The following NRP2 variants were observed in gnomAD, a reference collection of about 807,000 sequenced individuals.
The protein encoded by NRP2 is neuropilin 2, also known as neuropilin-2.
In NRP2, 52 loss-of-function variants were observed where a neutral mutation model predicts 110.4. That is an observed-to-expected ratio of 0.47 (90% CI 0.38 to 0.59). The LOEUF (loss-of-function observed/expected upper bound fraction) is 0.59. NRP2 is among the 20% of genes least tolerant of loss of function. NRP2 has a pLI of 0.00. For missense variants in NRP2, 1,049 were observed against 1,203.0 expected, an observed-to-expected ratio of 0.87 and a Z score of 1.89; for synonymous variants, 508 against 468.9, an observed-to-expected ratio of 1.08 and a Z score of -1.08.
At chr2:205,739,682 C>CTTTTTTTTTTTT (rs3047659) in intron 7 of NRP2, among the ~76,000 whole-genome samples, 1 of 124,952 alleles carries the variant, frequency 8.0e-6, no homozygotes, top group Non-Finnish European at 1.7e-5. Context: ...GCTCTAGTTA[C>CTTTTTTTTTTTT]TTTTTTTTTT....
At chr2:205,731,101 T>A (rs2057230381) in intron 7 of NRP2, among the ~76,000 whole-genome samples, 1 of 152,220 alleles carries the variant, frequency 6.6e-6, no homozygotes, top group South Asian at 2.1e-4. Context: ...CCACATGCCA[T>A]AAATATGGAA....
Position 205,759,900 on chromosome 2 carries a change from G to A in NRP2, c.2045-3774G>A, listed in dbSNP as rs532910993. On this transcript the variant is annotated intron_variant, in intron 12 of 16. Transcript: ENST00000357785. Reference sequence around the variant, plus strand: ...CCATTTACTCTTCCCCCAACTCTATGCAGTAAGACTGTCTTTGTATCCATT... The same window carrying A: ...CCATTTACTCTTCCCCCAACTCTATACAGTAAGACTGTCTTTGTATCCATT... 2.0e-5 allele frequency: 3 copies of A among 152,274 alleles called. No homozygotes were observed. The South Asian group carries it at 6.2e-4, about 32-fold the overall frequency. The allele number at this position is 152,274 out of a possible 1,614,324, so 9.4% of individuals were successfully genotyped here. A position where few individuals can be genotyped will look rare whatever the true frequency, so the allele number is the denominator to read the frequency against.
Position 205,719,672 on chromosome 2 carries a change from C to T in NRP2, c.434-2806C>T, listed in dbSNP as rs3771039. Among the ~76,000 whole-genome samples the T allele has an allele frequency of 3.0e-3, 450 of 152,196 alleles. 11 individuals are homozygous for T. The East Asian group carries it at 0.035, about 12-fold the overall frequency. ...GTCATTCACAGAGGTAGAGAAAACT[C>T]GGAGTGCCTACTGCCTCCACTTCCT... On this transcript the variant is annotated intron_variant, in intron 3 of 16. Coordinates refer to ENST00000357785, the MANE Select transcript of NRP2 (RefSeq NM_003872.3).
In NRP2 at chr2:205,752,927, C is replaced by T. The variant is rs143177221; in HGVS notation, c.1996C>T (p.Arg666Trp). ...GATGTATGACCATGCCAAGTGGCTC[C>T]GGACCACCTGGGCCAGCAGCTCCAG... is the stretch of plus-strand genomic sequence containing the variant. ...GWMYDHAKWLRTTWASSSSPN... is the reference protein window; with the variant it reads ...GWMYDHAKWLWTTWASSSSPN... The change falls in exon 12 of 17, where the codon CGG becomes TGG. Residue 666 changes from arginine to tryptophan, a missense_variant. Transcript: ENST00000357785. 5.3e-5 allele frequency: 86 copies of T among 1,614,084 alleles called. No individual in the cohort carries two copies. The highest frequency in any genetic ancestry group is 6.7e-5 in the African/African-American group (5 of 75,038).
At chr2:205,748,505 C>A (rs1352021327) in intron 10 of NRP2, among the ~76,000 whole-genome samples, 1 of 152,186 alleles carries the variant, frequency 6.6e-6, no homozygotes, top group Non-Finnish European at 1.5e-5. Context: ...GAGCAAAAGG[C>A]AGACACAGCA....
chr2:205,741,865 C>A (rs1283617842), intron 8 of NRP2, among the ~76,000 whole-genome samples: 1 of 152,214 alleles, frequency 6.6e-6, no homozygotes. Flanking sequence ...GGGCCAGGGA[C>A]TGATAAGGAA....
rs555467484 is a variant in NRP2 at position 205,727,927 on chromosome 2, G to T, written c.1027G>T (p.Ala343Ser). The T allele has an allele frequency of 3.7e-6, 6 of 1,613,972 alleles. No homozygotes were observed. In the South Asian group the frequency reaches 6.6e-5, roughly 18 times the overall value. The stretch of plus-strand genomic sequence containing the variant: ...CTTTTTAACCATGCTCACGGCCATC[G>T]CAACACAGGGAGCGATTTCCAGGGA... ...LRFLTMLTAI[A>S]TQGAISRETQ... is the part of the protein sequence containing the mutation. Residue 343 changes from alanine (A) to serine (S), a missense_variant, in exon 7 of 17, where the codon GCA becomes TCA. Coordinates refer to ENST00000357785, the MANE Select transcript of NRP2 (RefSeq NM_003872.3).
chr2:205,722,743 GGCCTTT>G (rs1283335635), intron 4 of NRP2, 35 bp downstream of exon 4: 2 of 1,571,326 alleles, frequency 1.3e-6, no homozygotes, highest in Admixed American at 3.3e-5. Flanking sequence ...TCAGTAGCTT[GGCCTTT>G]GCCTGTTAAT....
intron 2 of NRP2, among the ~76,000 whole-genome samples, chr2:205,700,540 G>A (rs2056530263): frequency 6.6e-6 from 1 of 152,190 alleles, no homozygotes; most frequent in South Asian, 2.1e-4. Context: ...CCCAAAGCCT[G>A]GAAACAGGGC....
intron 12 of NRP2, among the ~76,000 whole-genome samples, chr2:205,757,436 C>A (rs758046488): frequency 6.6e-6 from 1 of 152,004 alleles, no homozygotes; most frequent in Non-Finnish European, 1.5e-5. Context: ...GGTGGAGGCG[C>A]ACACAAGAAG....
In NRP2 at chr2:205,754,805, G is replaced by GGTGT. The variant is rs3836090; in HGVS notation, c.2044+1841_2044+1844dup. Among the ~76,000 whole-genome samples the GGTGT allele has an allele frequency of 7.9e-5, 12 of 151,274 alleles. No individual in the cohort carries two copies. In the East Asian group the frequency reaches 2.0e-3, roughly 25 times the overall value. On this transcript the variant is annotated intron_variant, in intron 12 of 16. Transcript: ENST00000357785. ...AGTGTGTTTGTGGTTTCTGTGCATG[G>GGTGT]GTGTGTGTGTGTGTCTGTGTGGTAT...
chr2:205,793,868 T>C (rs2058327358), intron 16 of NRP2, among the ~76,000 whole-genome samples: 1 of 152,152 alleles, frequency 6.6e-6, no homozygotes, highest in African/African-American at 2.4e-5. Flanking sequence ...TAAGGCACGA[T>C]GCCTTATTAT....
chr2:205,769,574 G>T (rs1208116681), intron 15 of NRP2, among the ~76,000 whole-genome samples: 1 of 149,774 alleles, frequency 6.7e-6, no homozygotes, highest in African/African-American at 2.5e-5. Context: ...AGTCAGTAAT[G>T]AAGAAAAGCC....
At chr2:205,722,145 C>CCT (rs140982811) in intron 3 of NRP2, 119,549 of 218,004 alleles carry the variant, frequency 0.55, 30,437 homozygotes, top group Non-Finnish European at 0.62. Context: ...CAAGAGAATC[C>CCT]CTCTCTCTCT....
intron 10 of NRP2, among the ~76,000 whole-genome samples, chr2:205,746,807 T>G (rs1247640548): frequency 6.6e-6 from 1 of 152,156 alleles, no homozygotes; most frequent in Non-Finnish European, 1.5e-5. Context: ...GTCGGAGAAG[T>G]GCTTTTGGCT....
intron 12 of NRP2, among the ~76,000 whole-genome samples, chr2:205,761,234 CTCCATTCA>C (rs2057816461): frequency 2.0e-5 from 3 of 152,292 alleles, no homozygotes; most frequent in South Asian, 2.1e-4. Context: ...ATTTATCATT[CTCCATTCA>C]TCCATTCATT....
At chr2:205,717,361 G>A (rs971859646) in intron 3 of NRP2, among the ~76,000 whole-genome samples, 5 of 152,156 alleles carry the variant, frequency 3.3e-5, no homozygotes, top group African/African-American at 1.2e-4. Flanking sequence ...GTCATCAAGA[G>A]GCCCAAGACC....
At chr2:205,770,710 T>C (rs1286694411) in intron 15 of NRP2, among the ~76,000 whole-genome samples, 1 of 152,230 alleles carries the variant, frequency 6.6e-6, no homozygotes, top group East Asian at 1.9e-4. Context: ...GAAGTGTTCC[T>C]AACCCCTGCC....
At chr2:205,745,618 G>C (rs985176706) in intron 9 of NRP2, 128 bp from the exon 10 acceptor site, 2 of 997,974 alleles carry the variant, frequency 2.0e-6, no homozygotes, top group Admixed American at 1.9e-5. Flanking sequence ...CCAGTGACCA[G>C]GAATCAACTA....
Sources: gnomAD v4.1 joint callset for allele counts (sites outside exome capture counted in the v4.1 genomes callset) on GRCh38, gnomAD v4.1.1 for gene constraint, MANE v1.5 for transcripts, NCBI Gene and HGNC (gene_info 2026-07-23, HGNC 2026-07-21) for gene names.